The following POLN variants were observed in gnomAD, a reference collection of about 807,000 sequenced individuals.
The protein encoded by POLN is DNA polymerase nu.
In POLN, 108 loss-of-function variants were observed where a neutral mutation model predicts 113.5. That is an observed-to-expected ratio of 0.95 (90% CI 0.81 to 1.12). The LOEUF (loss-of-function observed/expected upper bound fraction) is 1.12, where lower values mean the gene tolerates loss of function less well. Ranked by LOEUF, POLN falls within the 50% of genes most tolerant of loss-of-function variation. The pLI, the probability that POLN is intolerant of heterozygous loss-of-function variation, is 0.00. For synonymous variants in POLN, 386 were observed against 391.5 expected (o/e 0.99, Z 0.17); for missense variants, 1,097 against 1,077.1 (o/e 1.02, Z -0.26).
At chr4:2,159,961 T>G (rs1214104800) in intron 13 of POLN, among the ~76,000 whole-genome samples, 1 of 152,242 alleles carries the variant, frequency 6.6e-6, no homozygotes, top group Non-Finnish European at 1.5e-5. Context: ...TTTGTTAATG[T>G]ATGTTCACAG....
At position 2,226,456 on chromosome 4, in the gene POLN, C is replaced by A. The variant is rs6829788; in HGVS notation, c.133+2643G>T. Among the ~76,000 whole-genome samples, 19 of 152,184 alleles carry A rather than the reference C, an allele frequency of 1.2e-4. No individual in the cohort carries two copies. The East Asian group carries it at 2.9e-3, about 23-fold the overall frequency. On this transcript the variant is annotated intron_variant, in intron 3 of 25. Coordinates refer to ENST00000511885, the MANE Select transcript of POLN (RefSeq NM_181808.4). ...GGCAGGATAATTAATGGTTACATTT[C>A]AGCAGGGAGAGATTTTAATTGAGAA...
chr4:2,189,119 C>T (rs1423602342), intron 7 of POLN, among the ~76,000 whole-genome samples: 1 of 151,924 alleles, frequency 6.6e-6, no homozygotes, highest in Non-Finnish European at 1.5e-5. Context: ...AAAGATACTA[C>T]CAGAGAAAAT....
chr4:2,113,051 C>T (rs1247236030), intron 19 of POLN, among the ~76,000 whole-genome samples: 2 of 151,932 alleles, frequency 1.3e-5, no homozygotes, highest in African/African-American at 4.8e-5. Context: ...GAATACTATG[C>T]AGCCGTAAAA....
intron 2 of POLN, chr4:2,230,446 AAATAG>A (rs1734539658): frequency 6.6e-6 from 1 of 152,278 alleles, no homozygotes; most frequent in South Asian, 2.1e-4. Context: ...CTCTATTCCG[AAATAG>A]AATAGAAAAA....
chr4:2,140,512 C>T (rs1336734030), intron 16 of POLN, among the ~76,000 whole-genome samples: 4 of 152,154 alleles, frequency 2.6e-5, no homozygotes, highest in African/African-American at 9.7e-5. Context: ...TTTGGGAGAC[C>T]AAGGTGAATG....
At chr4:2,080,825 G>A (rs2108689153) in intron 23 of POLN, 133 bp downstream of exon 23, 2 of 1,555,798 alleles carry the variant, frequency 1.3e-6, no homozygotes, top group Non-Finnish European at 1.7e-6. Flanking sequence ...CCTTCCATGG[G>A]CTGAGAGCCT....
chr4:2,178,487 A>G (rs927015752), intron 8 of POLN, among the ~76,000 whole-genome samples: 4 of 152,210 alleles, frequency 2.6e-5, no homozygotes, highest in Non-Finnish European at 5.9e-5. Context: ...GGGCCTGCTG[A>G]GAAGTCTCTC....
At position 2,117,276 on chromosome 4, in the gene POLN, C is replaced by T. The variant is rs897010154; in HGVS notation, c.1982+10837G>A. Among the ~76,000 whole-genome samples, 3 of 152,308 alleles carry T rather than the reference C, an allele frequency of 2.0e-5. No individual in the cohort carries two copies. The East Asian group carries it at 5.8e-4, about 29-fold the overall frequency. On this transcript the variant is annotated intron_variant, in intron 19 of 25. Coordinates refer to ENST00000511885, the MANE Select transcript of POLN (RefSeq NM_181808.4). Reference sequence around the variant, plus strand: ...GGCTGAAGCAAGCCACGTGGCTAACCCTGAGTCAGTGGGATGAGGAAGTAT... The same window carrying T: ...GGCTGAAGCAAGCCACGTGGCTAACTCTGAGTCAGTGGGATGAGGAAGTAT...
chr4:2,201,775 G>A (rs1432269222), intron 5 of POLN, among the ~76,000 whole-genome samples: 1 of 152,106 alleles, frequency 6.6e-6, no homozygotes, highest in African/African-American at 2.4e-5. Context: ...TAAGACAAAG[G>A]AAAGAATCTT....
intron 23 of POLN, among the ~76,000 whole-genome samples, chr4:2,077,311 T>C (rs1026297012): frequency 1.3e-4 from 20 of 152,234 alleles, no homozygotes; most frequent in African/African-American, 4.8e-4. Flanking sequence ...GTCTGCCTTC[T>C]GGAGTCTGAG....
At position 2,176,277 on chromosome 4, in the gene POLN, AGCAAAGGTCCATT is replaced by A. The variant is rs1732993783; in HGVS notation, c.1224_1236del (p.Met409LeufsTer3). 2 of 1,606,814 alleles carry A rather than the reference AGCAAAGGTCCATT, an allele frequency of 1.2e-6. No homozygotes were observed. Among genetic ancestry groups the A allele is most frequent in the Non-Finnish European group, 1.7e-6 (2 of 1,176,434 alleles). Reference sequence around the variant, plus strand: ...ATAAAATGCCTTGCCTTCAGTTTAGAGCAAAGGTCCATTGTAAGTCTGTAGAGTGTCTTCAGGT... The same window carrying A: ...ATAAAATGCCTTGCCTTCAGTTTAGAGTAAGTCTGTAGAGTGTCTTCAGGT... On this transcript the variant is annotated frameshift_variant, in exon 9 of 26. Transcript: ENST00000511885. LOFTEE classifies it high-confidence loss of function.
chr4:2,080,223 C>G (rs1363241647), intron 23 of POLN: 1 of 987,890 alleles, frequency 1.0e-6, no homozygotes, highest in African/African-American at 1.7e-5. Context: ...CACCCCCAGG[C>G]CTTGGCTGGC....
At chr4:2,125,739 C>G (rs1269538435) in intron 19 of POLN, among the ~76,000 whole-genome samples, 1 of 152,198 alleles carries the variant, frequency 6.6e-6, no homozygotes, top group Non-Finnish European at 1.5e-5. Flanking sequence ...CATCCTGCGA[C>G]CTTTCCTGAG....
chr4:2,210,627 T>TAAA (rs1180444401), intron 4 of POLN, among the ~76,000 whole-genome samples: 34 of 110,086 alleles, frequency 3.1e-4, no homozygotes, highest in African/African-American at 9.1e-4. Context: ...ATAATAATAA[T>TAAA]AATAAAAAAA....
chr4:2,202,988 G>C (rs1450778063), intron 5 of POLN, among the ~76,000 whole-genome samples: 2 of 151,968 alleles, frequency 1.3e-5, no homozygotes, highest in Non-Finnish European at 2.9e-5. Flanking sequence ...CTGTACCCTG[G>C]AACAAATGGA....
At chr4:2,134,982 C>G (rs1468389615) in intron 16 of POLN, among the ~76,000 whole-genome samples, 1 of 152,204 alleles carries the variant, frequency 6.6e-6, no homozygotes, top group East Asian at 1.9e-4. Flanking sequence ...CACGCATCCC[C>G]CCAATACTGA....
chr4:2,085,800 G>A, intron 20 of POLN, 56 bp from the exon 21 acceptor site: 1 of 1,603,818 alleles, frequency 6.2e-7, no homozygotes, highest in Non-Finnish European at 8.5e-7. Flanking sequence ...GTGACTGTGT[G>A]CATGGGCTCA....
chr4:2,172,097 C>T (rs1301770248), intron 11 of POLN, among the ~76,000 whole-genome samples: 2 of 152,102 alleles, frequency 1.3e-5, no homozygotes, highest in East Asian at 3.9e-4. Context: ...GCTAATGATG[C>T]TATGAAAAGC....
intron 19 of POLN, among the ~76,000 whole-genome samples, chr4:2,105,804 G>GTGATGATGATGATGATGATGA (rs147342911): frequency 2.1e-5 from 3 of 144,812 alleles, no homozygotes; most frequent in Non-Finnish European, 4.6e-5. Context: ...CAGACAAATA[G>GTGATGATGATGATGATGATGA]TGATGATGAT....
Sources: allele counts gnomAD v4.1 joint callset (sites outside exome capture counted in the v4.1 genomes callset), GRCh38; gene constraint gnomAD v4.1.1; transcripts MANE v1.5; gene names NCBI Gene and HGNC (gene_info 2026-07-23, HGNC 2026-07-21).